The following PRKAA2 variants were observed in gnomAD, a reference collection of about 807,000 sequenced individuals.
PRKAA2 encodes protein kinase AMP-activated catalytic subunit alpha 2, also known as 5'-AMP-activated protein kinase catalytic subunit alpha-2.
A neutral mutation model predicts 56.3 loss-of-function variants in PRKAA2; 40 were observed. The ratio of observed to expected loss-of-function variants is 0.71; its 90% CI spans 0.55 to 0.92. PRKAA2 has a LOEUF of 0.92. PRKAA2 is among the 40% of genes least tolerant of loss of function. The pLI, the probability that PRKAA2 is intolerant of heterozygous loss-of-function variation, is 0.00. For synonymous variants in PRKAA2, 214 were observed against 234.2 expected, an observed-to-expected ratio of 0.91 and a Z score of 0.79; for missense variants, 542 against 686.9, an observed-to-expected ratio of 0.79 and a Z score of 2.36.
chr1:56,701,103 C>T (rs1644290591), intron 6 of PRKAA2, among the ~76,000 whole-genome samples: 1 of 152,106 alleles, frequency 6.6e-6, no homozygotes. Flanking sequence ...TTGATTTTCA[C>T]AGTTTTTGCT....
At chr1:56,692,621 C>T in intron 4 of PRKAA2, 119 bp downstream of exon 4, 1 of 924,614 alleles carries the variant, frequency 1.1e-6, no homozygotes, top group African/African-American at 1.7e-5. Context: ...AAGGAATTAG[C>T]TGAAATCTCC....
intron 1 of PRKAA2, among the ~76,000 whole-genome samples, chr1:56,672,237 C>T (rs1644082538): frequency 6.6e-6 from 1 of 152,072 alleles, no homozygotes. Context: ...CCTTCCTCAC[C>T]CTCCTAAGTA....
rs951349209 is a variant in PRKAA2, at chr1:56,711,139, A to G, written c.*3426A>G. The stretch of plus-strand genomic sequence containing the variant: ...ATTAATCAGAAATAATTATATTTCT[A>G]TGTCAGGGTATTGGCTATATGTAGC... On this transcript the variant is annotated 3_prime_UTR_variant, in exon 9 of 9. Transcript: ENST00000371244. 5 of 152,118 alleles carry G rather than the reference A, an allele frequency of 3.3e-5. No homozygotes were observed. The highest frequency in any genetic ancestry group is 3.9e-4 in the East Asian group (2 of 5,186). The allele number at this position is 152,118 out of a possible 1,614,324, so 9.4% of individuals were successfully genotyped here.
chr1:56,699,618 A>G (rs1644281018), intron 6 of PRKAA2, among the ~76,000 whole-genome samples: 1 of 152,250 alleles, frequency 6.6e-6, no homozygotes, highest in Non-Finnish European at 1.5e-5. Context: ...TAATTCACAT[A>G]TCATAAATTT....
chr1:56,695,745 A>G (rs1644254877), intron 5 of PRKAA2, among the ~76,000 whole-genome samples, 190 bp from the exon 6 acceptor site: 2 of 152,124 alleles, frequency 1.3e-5, no homozygotes, highest in African/African-American at 4.8e-5. Context: ...GCAGGCTTGA[A>G]TAGTAGTTGG....
intron 2 of PRKAA2, among the ~76,000 whole-genome samples, chr1:56,676,191 G>C (rs1286462533): frequency 6.6e-6 from 1 of 152,184 alleles, no homozygotes; most frequent in East Asian, 1.9e-4. Context: ...TTGTGAATAT[G>C]TTAGGTTGCA....
intron 2 of PRKAA2, among the ~76,000 whole-genome samples, chr1:56,682,489 A>C (rs535322981): frequency 2.0e-5 from 3 of 152,210 alleles, no homozygotes; most frequent in African/African-American, 7.2e-5. Flanking sequence ...CAAGTGTTGT[A>C]GGCAAAGGAA....
intron 1 of PRKAA2, among the ~76,000 whole-genome samples, chr1:56,667,169 TG>T (rs1452330292): frequency 6.6e-6 from 1 of 152,238 alleles, no homozygotes; most frequent in Non-Finnish European, 1.5e-5. Flanking sequence ...ATAGTGGAGC[TG>T]GCTGAGGACT....
At chr1:56,651,610 T>G (rs925690401) in intron 1 of PRKAA2, among the ~76,000 whole-genome samples, 4 of 152,206 alleles carry the variant, frequency 2.6e-5, no homozygotes, top group Non-Finnish European at 5.9e-5. Context: ...TGCTCATATT[T>G]ATCAGAATTG....
intron 1 of PRKAA2, among the ~76,000 whole-genome samples, chr1:56,664,416 T>C (rs1644018513): frequency 6.6e-6 from 1 of 152,166 alleles, no homozygotes; most frequent in African/African-American, 2.4e-5. Flanking sequence ...TTTCATAATA[T>C]GCATTTCCAT....
rs144568290 is a variant in PRKAA2, at chr1:56,698,550, G to A, written c.788+2391G>A. Among the ~76,000 whole-genome samples the A allele has an allele frequency of 1.5e-3, 231 of 152,184 alleles. 1 individual carries two copies. The highest frequency in any genetic ancestry group is 5.3e-3 in the African/African-American group (222 of 41,524). Reference sequence around the variant, plus strand: ...TGTTGAAAATTACACAACTAATAAGGAGCACAATGGGGCTCAACTTGGAAC... The same window carrying A: ...TGTTGAAAATTACACAACTAATAAGAAGCACAATGGGGCTCAACTTGGAAC... On this transcript the variant is annotated intron_variant, in intron 6 of 8. Coordinates refer to ENST00000371244, the MANE Select transcript of PRKAA2 (RefSeq NM_006252.4).
At position 56,691,045 on chromosome 1, in the gene PRKAA2, C is replaced by T. The variant is rs138960176; in HGVS notation, c.237-349C>T. Among the ~76,000 whole-genome samples the T allele has an allele frequency of 2.8e-4, 42 of 152,292 alleles. No homozygotes were observed. The East Asian group carries it at 6.0e-3, about 22-fold the overall frequency. ...TACAGGCATGAGCCATAGTGTCTGG[C>T]CCAAGTATATTTTCTGTTTATCTTT... On this transcript the variant is annotated intron_variant, in intron 2 of 8. Transcript: ENST00000371244.
intron 2 of PRKAA2, among the ~76,000 whole-genome samples, chr1:56,676,904 G>A (rs1644117637): frequency 6.6e-6 from 1 of 152,110 alleles, no homozygotes. Flanking sequence ...CTTAGAGTAA[G>A]CTTCAATGTC....
At chr1:56,665,534 A>G (rs1644029244) in intron 1 of PRKAA2, among the ~76,000 whole-genome samples, 2 of 152,246 alleles carry the variant, frequency 1.3e-5, no homozygotes, top group East Asian at 3.8e-4. Context: ...TCTGTTGGTT[A>G]TAATACTTGG....
rs1054942711 is a variant in PRKAA2, at chr1:56,705,885, T to C, written c.1294-207T>C. Among the ~76,000 whole-genome samples the C allele has an allele frequency of 3.9e-5, 6 of 152,346 alleles. No individual in the cohort carries two copies. The East Asian group carries it at 5.8e-4, about 15-fold the overall frequency. The stretch of plus-strand genomic sequence containing the variant: ...TTTTTTCTTCAGTACCCCAAATTTA[T>C]TCAAGTAGCTTTTCCTTTAAATCTT... On this transcript the variant is annotated intron_variant, in intron 7 of 8. Coordinates refer to ENST00000371244, the MANE Select transcript of PRKAA2 (RefSeq NM_006252.4).
At chr1:56,705,991 TC>T in intron 7 of PRKAA2, 100 bp from the exon 8 acceptor site, 1 of 1,019,454 alleles carries the variant, frequency 9.8e-7, no homozygotes, top group South Asian at 1.7e-5. Context: ...TTATTCGTAT[TC>T]CTTTCCTACC....
chr1:56,655,280 A>ATATATTTT lies in PRKAA2; in HGVS notation c.94+9800_94+9801insATATTTTT. ...TGTATTTATATATCTATATATATAT[A>ATATATTTT]TTTTTTTTTTTTTTTTGTAGAGACA... On this transcript the variant is annotated intron_variant, in intron 1 of 8. Coordinates refer to ENST00000371244, the MANE Select transcript of PRKAA2 (RefSeq NM_006252.4). Among the ~76,000 whole-genome samples the ATATATTTT allele has an allele frequency of 1.4e-4, 13 of 93,654 alleles. 1 individual carries two copies. The highest frequency in any genetic ancestry group is 1.2e-3 in the Admixed American group (9 of 7,344). The allele number at this position is 93,654 out of a possible 152,430, so 61.4% of individuals were successfully genotyped here.
At chr1:56,677,105 C>T (rs1644119040) in intron 2 of PRKAA2, among the ~76,000 whole-genome samples, 1 of 152,100 alleles carries the variant, frequency 6.6e-6, no homozygotes, top group Non-Finnish European at 1.5e-5. Flanking sequence ...GGTAACTCAC[C>T]TTTCCTATCC....
intron 8 of PRKAA2, 32 bp from the exon 9 acceptor site, chr1:56,707,443 C>T (rs1644339206): frequency 6.4e-7 from 1 of 1,567,046 alleles, no homozygotes; most frequent in Non-Finnish European, 8.8e-7. Flanking sequence ...ATATACTTTC[C>T]ATATAAATTG....
Sources: gnomAD v4.1 joint callset for allele counts (sites outside exome capture counted in the v4.1 genomes callset) on GRCh38, gnomAD v4.1.1 for gene constraint, MANE v1.5 for transcripts, NCBI Gene and HGNC (gene_info 2026-07-23, HGNC 2026-07-21) for gene names.